SEC23A: variants seen among roughly 807,000 people sequenced by gnomAD.
SEC23A encodes the protein protein transport protein Sec23A.
SEC23A carries 56 observed loss-of-function variants against 103.7 expected under a neutral mutation model. That is an observed-to-expected ratio of 0.54 (90% CI 0.44 to 0.67). The LOEUF is 0.67. Ranked by LOEUF, SEC23A falls within the 30% of genes least tolerant of loss-of-function variation. SEC23A has a pLI of 0.00. For missense variants in SEC23A, 784 were observed against 936.4 expected (o/e 0.84, Z 2.12); for synonymous variants, 281 against 293.0 (o/e 0.96, Z 0.42).
At chr14:39,047,319 C>T (rs559264973) in intron 15 of SEC23A, 16 of 1,048,904 alleles carry the variant, frequency 1.5e-5, no homozygotes, top group Middle Eastern at 2.4e-4. Flanking sequence ...CCATCACTTT[C>T]CTATTAGTTT....
At chr14:39,034,380 G>T (rs748603064) in intron 19 of SEC23A, among the ~76,000 whole-genome samples, 4 of 152,324 alleles carry the variant, frequency 2.6e-5, no homozygotes, top group Admixed American at 2.0e-4. Context: ...AAACAGAACA[G>T]TACCTAGTAC....
chr14:39,069,898 A>G (rs1310377465), intron 9 of SEC23A, among the ~76,000 whole-genome samples: 3 of 152,184 alleles, frequency 2.0e-5, no homozygotes, highest in Non-Finnish European at 2.9e-5. Context: ...TATTCATCCT[A>G]TTTAGAACTG....
intron 11 of SEC23A, among the ~76,000 whole-genome samples, chr14:39,063,631 TAAA>T (rs1174942259): frequency 6.6e-6 from 1 of 152,160 alleles, no homozygotes; most frequent in Non-Finnish European, 1.5e-5. Flanking sequence ...ATAATAAAAG[TAAA>T]ATTTAAATTC....
chr14:39,074,400 A>G lies in SEC23A; in HGVS notation c.1103+15T>C. On this transcript the variant is annotated intron_variant, in intron 9 of 19. Coordinates refer to ENST00000307712, the MANE Select transcript of SEC23A (RefSeq NM_006364.4). ...TGCTTATAATTACAAAAACTGTAAA[A>G]ATTTAAATACATACCCAGTAAGGTT... 6.6e-7 allele frequency: 1 copy of G among 1,512,220 alleles called. No individual in the cohort carries two copies. Among genetic ancestry groups the G allele is most frequent in the Non-Finnish European group, 9.2e-7 (1 of 1,087,802 alleles). The allele number at this position is 1,512,220 out of a possible 1,614,324, so 93.7% of individuals were successfully genotyped here.
intron 14 of SEC23A, among the ~76,000 whole-genome samples, chr14:39,052,279 C>G (rs1429966160): frequency 6.6e-6 from 1 of 151,340 alleles, no homozygotes; most frequent in Non-Finnish European, 1.5e-5. Context: ...AAAAAACCTG[C>G]ACATCCTGCA....
intron 5 of SEC23A, chr14:39,088,690 G>GCA (rs1346792035): frequency 6.6e-6 from 1 of 151,956 alleles, no homozygotes; most frequent in Non-Finnish European, 1.5e-5. Flanking sequence ...CTGAGATCGT[G>GCA]CCACCGCACT....
At position 39,077,245 on chromosome 14, in the gene SEC23A, A is replaced by G. The variant is rs1355404147; in HGVS notation, c.829-1152T>C. ...TCCATCTCAAAAAAAAAAAAAAAAA[A>G]AAAAAAAAAAGAAAGAGGCCCGGCA... On this transcript the variant is annotated intron_variant, in intron 7 of 19. Coordinates refer to ENST00000307712, the MANE Select transcript of SEC23A (RefSeq NM_006364.4). Among the ~76,000 whole-genome samples the G allele has an allele frequency of 9.6e-4, 143 of 149,366 alleles. 3 individuals are homozygous for G. Among genetic ancestry groups the G allele is most frequent in the South Asian group, 1.7e-3 (8 of 4,724 alleles).
chr14:39,055,185 A>AT lies in SEC23A; in HGVS notation c.1616_1617insA (p.Pro540SerfsTer5). ...TGTCCAGCCACCTAAGCACATCTGG[A>AT]CCTTCTTCTGTTTCTGCTCTATATA... is the stretch of plus-strand genomic sequence containing the variant. On this transcript the variant is annotated frameshift_variant, in exon 14 of 20. Coordinates refer to ENST00000307712, the MANE Select transcript of SEC23A (RefSeq NM_006364.4). LOFTEE classifies it high-confidence loss of function. 6.2e-7 allele frequency: 1 copy of AT among 1,614,204 alleles called. No individual in the cohort carries two copies. The highest frequency in any genetic ancestry group is 1.1e-5 in the South Asian group (1 of 91,076).
At chr14:39,047,498 A>AAAC (rs772955956) in intron 15 of SEC23A, 175 of 810,094 alleles carry the variant, frequency 2.2e-4, no homozygotes, top group Non-Finnish European at 2.4e-4. Flanking sequence ...CTCAAAACAA[A>AAAC]AACAACAACA....
In SEC23A at chr14:39,076,100, A is replaced by G; in HGVS notation, c.829-7T>C. On this transcript the variant is annotated splice_region_variant and splice_polypyrimidine_tract_variant and intron_variant, in intron 7 of 19. Coordinates refer to ENST00000307712, the MANE Select transcript of SEC23A (RefSeq NM_006364.4). ...CAGTGTTGGGAAAAGTACACTATTA[A>G]AAAAAAAGTCAAGAGTTTAAAAGAA... 6.2e-7 allele frequency: 1 copy of G among 1,601,486 alleles called. No homozygotes were observed.
At chr14:39,048,513 C>T (rs956123325) in intron 15 of SEC23A, 139 bp downstream of exon 15, 3 of 635,702 alleles carry the variant, frequency 4.7e-6, no homozygotes, top group Non-Finnish European at 8.4e-6. Flanking sequence ...ACTCAGGAGG[C>T]TGACTAAGCC....
At position 39,076,064 on chromosome 14, in the gene SEC23A, G is replaced by A. The variant is rs1448263992; in HGVS notation, c.858C>T (p.Ile286=). Reference sequence around the variant, plus strand: ...TAGCAGGACCACCAATGAACATCATGATACGAGCACCAGTGTTGGGAAAAG... The same window carrying A: ...TAGCAGGACCACCAATGAACATCATAATACGAGCACCAGTGTTGGGAAAAG... The part of the protein sequence containing the change: ...ECTFPNTGAR[I]MMFIGGPATQ... Residue 286 remains isoleucine, a synonymous_variant, in exon 8 of 20, where the codon ATC becomes ATT. Transcript: ENST00000307712. The A allele has an allele frequency of 1.9e-6, 3 of 1,613,154 alleles. No homozygotes were observed. The highest frequency in any genetic ancestry group is 2.7e-5 in the African/African-American group (2 of 74,774).
chr14:39,051,711 C>T (rs769303339), intron 14 of SEC23A, among the ~76,000 whole-genome samples: 12 of 152,108 alleles, frequency 7.9e-5, no homozygotes, highest in Admixed American at 6.6e-5. Flanking sequence ...TACCTGTAAT[C>T]CCAGTACTCG....
At chr14:39,055,098 A>G in intron 14 of SEC23A, 45 bp downstream of exon 14, 2 of 1,610,368 alleles carry the variant, frequency 1.2e-6, no homozygotes, top group Admixed American at 3.3e-5. Context: ...ATTTACTACA[A>G]ATGAAAGCAT....
At chr14:39,048,608 G>T in intron 15 of SEC23A, 44 bp downstream of exon 15, 1 of 1,273,450 alleles carries the variant, frequency 7.9e-7, no homozygotes, top group Non-Finnish European at 1.1e-6. Flanking sequence ...TCTAAAAAAG[G>T]AAAAAAAAGA....
chr14:39,066,622 T>C (rs1002498038), intron 10 of SEC23A, among the ~76,000 whole-genome samples: 2 of 152,126 alleles, frequency 1.3e-5, no homozygotes, highest in Non-Finnish European at 1.5e-5. Context: ...CTCAGCACTT[T>C]GGAAAGCTGA....
chr14:39,089,248 C>A (rs1379449374), intron 5 of SEC23A, among the ~76,000 whole-genome samples: 1 of 151,474 alleles, frequency 6.6e-6, no homozygotes, highest in Non-Finnish European at 1.5e-5. Flanking sequence ...ACTCTACAAT[C>A]AGAACAGTAA....
chr14:39,101,006 G>C (rs1376878101), intron 1 of SEC23A, among the ~76,000 whole-genome samples: 1 of 151,768 alleles, frequency 6.6e-6, no homozygotes, highest in Non-Finnish European at 1.5e-5. Context: ...ACTACACCCA[G>C]CTAATTTTTG....
intron 9 of SEC23A, among the ~76,000 whole-genome samples, chr14:39,068,369 C>A (rs572392790): frequency 6.6e-6 from 1 of 152,210 alleles, no homozygotes; most frequent in East Asian, 1.9e-4. Context: ...CTTAATCCAG[C>A]CACCCCACTA....
Sources: allele counts gnomAD v4.1 joint callset (sites outside exome capture counted in the v4.1 genomes callset), GRCh38; gene constraint gnomAD v4.1.1; transcripts MANE v1.5; gene names NCBI Gene and HGNC (gene_info 2026-07-23, HGNC 2026-07-21).